The following KAZN variants were observed in gnomAD, a reference collection of about 807,000 sequenced individuals.
KAZN encodes kazrin, periplakin interacting protein.
A neutral mutation model predicts 87.4 loss-of-function variants in KAZN; 40 were observed. The observed-to-expected ratio is 0.46, with a 90% CI of 0.36 to 0.60. The LOEUF (loss-of-function observed/expected upper bound fraction) is 0.60. Ranked by LOEUF, KAZN falls within the 20% of genes least tolerant of loss-of-function variation. KAZN has a pLI of 0.00. For synonymous variants in KAZN, 466 were observed against 458.3 expected (o/e 1.02, Z -0.22); for missense variants, 898 against 1,073.9 (o/e 0.84, Z 2.29).
intron 1 of KAZN, among the ~76,000 whole-genome samples, chr1:14,074,713 C>A (rs1005964001): frequency 1.3e-5 from 2 of 152,138 alleles, no homozygotes; most frequent in African/African-American, 4.8e-5. Context: ...GGCTTTTAAG[C>A]ATTAATGAGG....
chr1:14,394,707 C>T (rs1408639110), intron 2 of KAZN, among the ~76,000 whole-genome samples: 6 of 152,240 alleles, frequency 3.9e-5, no homozygotes, highest in African/African-American at 1.4e-4. Flanking sequence ...AGGGAGCTAA[C>T]TCCCACTGTT....
chr1:14,187,432 T>G (rs1336404507), intron 2 of KAZN, among the ~76,000 whole-genome samples: 1 of 152,126 alleles, frequency 6.6e-6, no homozygotes, highest in Admixed American at 6.6e-5. Context: ...GAATAGGAAA[T>G]ATATTACAGC....
exon 1 of KAZN, chr1:13,893,527 T>C: frequency 7.2e-7 from 1 of 1,382,080 alleles, no homozygotes. Context: ...CTATAAACTT[T>C]GGGGGCGGGG....
intron 1 of KAZN, among the ~76,000 whole-genome samples, chr1:14,815,488 G>T (rs1036956440): frequency 6.6e-6 from 1 of 152,166 alleles, no homozygotes; most frequent in Non-Finnish European, 1.5e-5. Context: ...CCGTCCTGTT[G>T]TGCCTATTGT....
intron 1 of KAZN, among the ~76,000 whole-genome samples, chr1:14,666,877 A>G (rs1639589726): frequency 6.6e-6 from 1 of 152,298 alleles, no homozygotes; most frequent in South Asian, 2.1e-4. Flanking sequence ...CTGGGACTAC[A>G]GGCGTGCGCC....
intron 2 of KAZN, among the ~76,000 whole-genome samples, chr1:14,422,570 A>G (rs1665494704): frequency 6.6e-6 from 1 of 152,244 alleles, no homozygotes; most frequent in Non-Finnish European, 1.5e-5. Context: ...AACAAAAAGA[A>G]AAGTCTCATT....
intron 3 of KAZN, among the ~76,000 whole-genome samples, chr1:15,041,061 G>A (rs980190753): frequency 4.0e-5 from 6 of 151,004 alleles, no homozygotes; most frequent in South Asian, 2.1e-4. Context: ...AGCGATTCTC[G>A]TGCCTCAGCC....
intron 1 of KAZN, among the ~76,000 whole-genome samples, chr1:14,111,841 G>A (rs1231496238): frequency 1.3e-5 from 2 of 151,364 alleles, no homozygotes; most frequent in Non-Finnish European, 2.9e-5. Context: ...CTGGGTTCAA[G>A]CGATTCTCCT....
chr1:14,915,271 T>C (rs889566589), intron 1 of KAZN, among the ~76,000 whole-genome samples: 23 of 152,178 alleles, frequency 1.5e-4, no homozygotes, highest in African/African-American at 5.6e-4. Flanking sequence ...CAATCATGAT[T>C]ATATATCTGT....
chr1:14,885,380 A>G (rs769612186), intron 1 of KAZN, among the ~76,000 whole-genome samples: 2 of 151,954 alleles, frequency 1.3e-5, no homozygotes, highest in Non-Finnish European at 2.9e-5. Flanking sequence ...CTCTCCACCT[A>G]TTGAACTCCT....
chr1:14,858,981 T>C (rs1268100983), intron 1 of KAZN, among the ~76,000 whole-genome samples: 1 of 151,952 alleles, frequency 6.6e-6, no homozygotes, highest in African/African-American at 2.4e-5. Context: ...CCGAGGCGGG[T>C]GGATCACGAG....
chr1:14,055,831 G>A (rs762583140), intron 1 of KAZN, among the ~76,000 whole-genome samples: 33 of 152,110 alleles, frequency 2.2e-4, no homozygotes, highest in Admixed American at 2.0e-4. Flanking sequence ...TCAGCCTCCC[G>A]GATGTGTTCT....
chr1:14,305,573 A>G (rs1031319545), intron 2 of KAZN, among the ~76,000 whole-genome samples: 1 of 152,112 alleles, frequency 6.6e-6, no homozygotes, highest in Non-Finnish European at 1.5e-5. Flanking sequence ...GAAAGGAAAG[A>G]TCTGAACTCA....
At position 14,735,161 on chromosome 1, in the gene KAZN, T is replaced by G. The variant is rs915538026; in HGVS notation, c.226+135938T>G. The stretch of plus-strand genomic sequence containing the variant: ...TGCGAGCTCCGCCTCCCGGGTTCAC[T>G]CCATTCTCCTGCCTCAGCCTCAGGA... On this transcript the variant is annotated intron_variant, in intron 1 of 14. Transcript: ENST00000376030. The surrounding 1 kb of genome is among the most constrained non-coding windows in gnomAD (Gnocchi z 4.3). Among the ~76,000 whole-genome samples, 43 of 152,160 alleles carry G rather than the reference T, an allele frequency of 2.8e-4. No individual in the cohort carries two copies. Among genetic ancestry groups the G allele is most frequent in the African/African-American group, 9.4e-4 (39 of 41,528 alleles).
chr1:14,544,646 A>G (rs146383776), intron 2 of KAZN, among the ~76,000 whole-genome samples: 18 of 151,994 alleles, frequency 1.2e-4, no homozygotes, highest in African/African-American at 4.3e-4. Context: ...CTAGCTTCAG[A>G]AAGGGTTTAG....
At chr1:14,779,343 G>T (rs1212960361) in intron 1 of KAZN, among the ~76,000 whole-genome samples, 1 of 152,134 alleles carries the variant, frequency 6.6e-6, no homozygotes, top group Non-Finnish European at 1.5e-5. Context: ...GGGCCCCCCG[G>T]CTTCCCTCTG....
intron 2 of KAZN, among the ~76,000 whole-genome samples, chr1:14,359,188 G>A (rs921055477): frequency 3.3e-5 from 5 of 151,828 alleles, no homozygotes; most frequent in East Asian, 3.9e-4. Context: ...GTCCTTCTTC[G>A]TCTTTATCTT....
chr1:14,482,503 T>C (rs546538737), intron 2 of KAZN, among the ~76,000 whole-genome samples: 6 of 150,038 alleles, frequency 4.0e-5, no homozygotes, highest in African/African-American at 1.4e-4. Flanking sequence ...TATTTGCTCA[T>C]CTGTAAAACA....
chr1:13,996,084 T>C (rs1639502336), intron 1 of KAZN, among the ~76,000 whole-genome samples: 1 of 143,214 alleles, frequency 7.0e-6, no homozygotes. Flanking sequence ...AGGAAGAGCG[T>C]GGCAGCCCAC....
Sources: gnomAD v4.1 joint callset for allele counts (sites outside exome capture counted in the v4.1 genomes callset) on GRCh38, gnomAD v4.1.1 for gene constraint, Gnocchi (gnomAD v3.1) non-coding constraint, MANE v1.5 for transcripts, NCBI Gene and HGNC (gene_info 2026-07-23, HGNC 2026-07-21) for gene names.